RELN: variants seen among roughly 807,000 people sequenced by gnomAD.
RELN encodes the protein reelin.
RELN carries 108 observed loss-of-function variants against 427.6 expected under a neutral mutation model. The ratio of observed to expected loss-of-function variants is 0.25; its 90% CI spans 0.22 to 0.30. The LOEUF (loss-of-function observed/expected upper bound fraction) is 0.30. Among genes scored for constraint, RELN ranks in the 10% least tolerant of loss-of-function variants. The probability of loss-of-function intolerance (pLI) is 1.00; values close to 1 mark genes in which losing one functional copy is unlikely to be tolerated. For missense variants in RELN, 3,715 were observed against 4,302.8 expected (o/e 0.86, Z 3.82); for synonymous variants, 1,524 against 1,513.4 (o/e 1.01, Z -0.16).
At chr7:103,834,530 TTTTC>T (rs1406007267) in intron 2 of RELN, among the ~76,000 whole-genome samples, 2 of 152,182 alleles carry the variant, frequency 1.3e-5, no homozygotes, top group African/African-American at 4.8e-5. Context: ...CAGGGGATGC[TTTTC>T]TTTTTCTAAT....
intron 3 of RELN, among the ~76,000 whole-genome samples, chr7:103,784,899 A>G (rs1005601031): frequency 5.9e-5 from 9 of 152,178 alleles, no homozygotes; most frequent in Admixed American, 5.2e-4. Context: ...ATGTTTGTGA[A>G]ATGGGTGAAT....
chr7:103,498,784 G>A (rs954477871), intron 53 of RELN, among the ~76,000 whole-genome samples: 1 of 151,976 alleles, frequency 6.6e-6, no homozygotes, highest in Non-Finnish European at 1.5e-5. Flanking sequence ...GAGCCACCAT[G>A]CCTGGCCATA....
Position 103,592,582 on chromosome 7 carries a change from A to C in RELN, c.3912+1100T>G, listed in dbSNP as rs535659490. 3.3e-5 allele frequency among the ~76,000 whole-genome samples: 5 copies of C among 152,306 alleles called. No homozygotes were observed. In the South Asian group the frequency reaches 1.0e-3, roughly 32 times the overall value. On this transcript the variant is annotated intron_variant, in intron 27 of 64. Transcript: ENST00000428762. Reference sequence around the variant, plus strand: ...TGCTGGGTCAAATGGTAGAGAATTAAGATTTTTCCTAAGCAGTGTGCATTC... The same window carrying C: ...TGCTGGGTCAAATGGTAGAGAATTACGATTTTTCCTAAGCAGTGTGCATTC...
intron 8 of RELN, among the ~76,000 whole-genome samples, chr7:103,715,039 A>T (rs1789903470): frequency 6.6e-6 from 1 of 152,228 alleles, no homozygotes; most frequent in Admixed American, 6.5e-5. Context: ...CCAAATTATC[A>T]ATTAAACAAT....
Position 103,635,342 on chromosome 7 carries a change from A to G in RELN, c.2465+83T>C, listed in dbSNP as rs1400645755. The stretch of plus-strand genomic sequence containing the variant: ...TCCATCTGTCAATGGAAAAATATCT[A>G]GAATTTTATACCATTTGAATTATGA... On this transcript the variant is annotated intron_variant, in intron 19 of 64. Coordinates refer to ENST00000428762, the MANE Select transcript of RELN (RefSeq NM_005045.4). 2.7e-6 allele frequency: 4 copies of G among 1,485,278 alleles called. No homozygotes were observed. The African/African-American group carries it at 5.6e-5, about 21-fold the overall frequency. The allele number at this position is 1,485,278 out of a possible 1,614,324, so 92.0% of individuals were successfully genotyped here. A position where few individuals can be genotyped will look rare whatever the true frequency, so the allele number is the denominator to read the frequency against.
At chr7:103,562,492 G>C (rs529466358) in intron 34 of RELN, among the ~76,000 whole-genome samples, 1 of 152,290 alleles carries the variant, frequency 6.6e-6, no homozygotes, top group East Asian at 1.9e-4. Flanking sequence ...AGAATGATGT[G>C]ATGTATTCTC....
chr7:103,864,247 G>A (rs1456307582), intron 2 of RELN, among the ~76,000 whole-genome samples: 2 of 152,150 alleles, frequency 1.3e-5, no homozygotes, highest in African/African-American at 4.8e-5. Flanking sequence ...AGACCTACAT[G>A]TATGTGGTAT....
rs538376608 is a variant in RELN, at chr7:103,640,618, G to T, written c.2003-9C>A. ...TGACGGGCCAATATAAACTGTGGGA[G>T]GGAAAAAGAGAACATAATTACAAAA... On this transcript the variant is annotated splice_polypyrimidine_tract_variant and intron_variant, in intron 16 of 64. Transcript: ENST00000428762. The surrounding 1 kb of genome is among the most constrained non-coding windows in gnomAD (Gnocchi z 4.1). The T allele has an allele frequency of 6.2e-7, 1 of 1,613,454 alleles. No individual in the cohort carries two copies. Among genetic ancestry groups the T allele is most frequent in the African/African-American group, 1.3e-5 (1 of 74,990 alleles).
intron 6 of RELN, among the ~76,000 whole-genome samples, chr7:103,731,524 C>G (rs1190506088): frequency 6.6e-6 from 1 of 152,052 alleles, no homozygotes; most frequent in Non-Finnish European, 1.5e-5. Flanking sequence ...GATGCTAGAA[C>G]TGAGATTTAG....
chr7:103,660,538 A>C (rs1833117445), intron 12 of RELN, among the ~76,000 whole-genome samples: 1 of 152,218 alleles, frequency 6.6e-6, no homozygotes, highest in Non-Finnish European at 1.5e-5. Context: ...AAAAAGGTGA[A>C]GTGAGGAATA....
At chr7:103,610,621 C>T in intron 22 of RELN, 74 bp downstream of exon 22, 1 of 808,888 alleles carries the variant, frequency 1.2e-6, no homozygotes, top group Non-Finnish European at 2.2e-6. Flanking sequence ...ATACTTGAAT[C>T]AATAGAGACA....
chr7:103,912,149 G>A (rs1367124057), intron 2 of RELN, among the ~76,000 whole-genome samples: 1 of 149,180 alleles, frequency 6.7e-6, no homozygotes, highest in African/African-American at 2.5e-5. Context: ...TCCTACACCT[G>A]TTCACTACAT....
intron 53 of RELN, among the ~76,000 whole-genome samples, chr7:103,500,412 A>T (rs945699418): frequency 2.0e-5 from 3 of 152,156 alleles, no homozygotes; most frequent in Non-Finnish European, 4.4e-5. Flanking sequence ...TCTTCCTTCA[A>T]ATAGTGCATC....
At chr7:103,694,173 G>A (rs1425302640) in intron 10 of RELN, among the ~76,000 whole-genome samples, 1 of 152,090 alleles carries the variant, frequency 6.6e-6, no homozygotes, top group African/African-American at 2.4e-5. Context: ...TTAACCTACA[G>A]CCAGAGAGTG....
chr7:103,497,805 A>C lies in RELN; in HGVS notation c.8950+15T>G. On this transcript the variant is annotated intron_variant, in intron 55 of 64. Transcript: ENST00000428762. Reference sequence around the variant, plus strand: ...GAATCTGCTCCAAGGGGTGGTTTTCACCCCTGACACATGCCTCCATCGGTA... The same window carrying C: ...GAATCTGCTCCAAGGGGTGGTTTTCCCCCCTGACACATGCCTCCATCGGTA... 6.2e-7 allele frequency: 1 copy of C among 1,610,892 alleles called. No homozygotes were observed. The highest frequency in any genetic ancestry group is 1.1e-5 in the South Asian group (1 of 91,004).
chr7:103,906,545 CT>C (rs59960579), intron 2 of RELN, among the ~76,000 whole-genome samples: 2 of 151,038 alleles, frequency 1.3e-5, no homozygotes, highest in African/African-American at 2.4e-5. Context: ...CTCTCTCTCT[CT>C]CCTCCTCTCT....
At chr7:103,907,266 A>C (rs1035764861) in intron 2 of RELN, among the ~76,000 whole-genome samples, 1 of 151,492 alleles carries the variant, frequency 6.6e-6, no homozygotes, top group African/African-American at 2.4e-5. Flanking sequence ...AAACACAAAA[A>C]TTAGCTGGGC....
chr7:103,927,434 G>C (rs536682030), intron 1 of RELN, among the ~76,000 whole-genome samples: 1 of 152,144 alleles, frequency 6.6e-6, no homozygotes, highest in South Asian at 2.1e-4. Flanking sequence ...TGACGTTCAG[G>C]TACTAGCACA....
intron 24 of RELN, among the ~76,000 whole-genome samples, chr7:103,602,679 TG>T (rs1470238836): frequency 1.3e-5 from 2 of 151,950 alleles, no homozygotes; most frequent in African/African-American, 4.8e-5. Context: ...TGGGGCCTGT[TG>T]GGGGATGGGG....
Sources: gnomAD v4.1 joint callset for allele counts (sites outside exome capture counted in the v4.1 genomes callset) on GRCh38, gnomAD v4.1.1 for gene constraint, Gnocchi (gnomAD v3.1) non-coding constraint, MANE v1.5 for transcripts, NCBI Gene and HGNC (gene_info 2026-07-23, HGNC 2026-07-21) for gene names.